Variants in TNS1 observed in about 807,000 individuals in gnomAD.
TNS1 encodes tensin 1.
TNS1 carries 62 observed loss-of-function variants against 168.6 expected under a neutral mutation model. The observed-to-expected ratio is 0.37, with a 90% CI of 0.30 to 0.45. TNS1 has a LOEUF of 0.45. Ranked by LOEUF, TNS1 falls within the 20% of genes least tolerant of loss-of-function variation. The pLI is 1.00. For synonymous variants in TNS1, 934 were observed against 933.2 expected, an observed-to-expected ratio of 1.00 and a Z score of -0.02; for missense variants, 2,240 against 2,339.4, an observed-to-expected ratio of 0.96 and a Z score of 0.88.
chr2:217,907,073 A>T (rs1356560873), intron 5 of TNS1, 137 bp downstream of exon 5: 2 of 624,268 alleles, frequency 3.2e-6, no homozygotes, highest in Non-Finnish European at 5.9e-6. Flanking sequence ...ACTTCCCTGC[A>T]AGTTCCCCAA....
At chr2:217,835,250 G>T in intron 20 of TNS1, 84 bp from the exon 21 acceptor site, 1 of 1,336,924 alleles carries the variant, frequency 7.5e-7, no homozygotes, top group Non-Finnish European at 1.0e-6. Context: ...TATGAGGACA[G>T]TGAGTTAACC....
exon 1 of TNS1, chr2:218,010,109 G>A (rs1395849671): frequency 7.5e-6 from 3 of 399,096 alleles, no homozygotes; most frequent in Non-Finnish European, 1.3e-5. Flanking sequence ...CCTGGCTGCG[G>A]AGGCAGAAGC....
At chr2:217,921,897 A>G (rs1387030629) in intron 3 of TNS1, among the ~76,000 whole-genome samples, 1 of 152,156 alleles carries the variant, frequency 6.6e-6, no homozygotes, top group Non-Finnish European at 1.5e-5. Context: ...CGGGGCATGG[A>G]TGGGTTAAAT....
intron 16 of TNS1, among the ~76,000 whole-genome samples, chr2:217,882,672 C>G (rs1950794760): frequency 6.6e-6 from 1 of 152,136 alleles, no homozygotes; most frequent in African/African-American, 2.4e-5. Flanking sequence ...TTTCTACTAG[C>G]AATTTACCTC....
At chr2:218,005,685 A>G (rs989417005), upstream of TNS1, among the ~76,000 whole-genome samples, 28 of 152,350 alleles carry the variant, frequency 1.8e-4, no homozygotes, top group African/African-American at 6.5e-4. Context: ...TACAGCAGGC[A>G]CCAGACATGG....
intron 4 of TNS1, among the ~76,000 whole-genome samples, chr2:217,907,712 T>C (rs1398766936): frequency 6.6e-6 from 1 of 152,202 alleles, no homozygotes; most frequent in Non-Finnish European, 1.5e-5. Context: ...CTTGGGGCTC[T>C]AAGTGAAATC....
upstream of TNS1, among the ~76,000 whole-genome samples, chr2:218,005,996 G>C (rs896775847): frequency 1.3e-5 from 2 of 152,208 alleles, no homozygotes; most frequent in African/African-American, 4.8e-5. Flanking sequence ...ACACACAGCA[G>C]ACATGGAGTA....
intron 27 of TNS1, 83 bp from the exon 28 acceptor site, chr2:217,812,528 C>T: frequency 8.8e-7 from 1 of 1,139,670 alleles, no homozygotes; most frequent in Non-Finnish European, 1.3e-6. Context: ...TACACCGATA[C>T]ACACAATCTT....
At chr2:217,812,808 A>G (rs916412420) in intron 27 of TNS1, among the ~76,000 whole-genome samples, 2 of 152,112 alleles carry the variant, frequency 1.3e-5, no homozygotes, top group Non-Finnish European at 2.9e-5. Context: ...TCTCAGGTAA[A>G]TGTAACTTTG....
chr2:217,887,041 GCTCTGACGCC>G (rs1049118820), intron 12 of TNS1, among the ~76,000 whole-genome samples: 12 of 152,208 alleles, frequency 7.9e-5, no homozygotes, highest in African/African-American at 2.9e-4. Context: ...CCACCAAACA[GCTCTGACGCC>G]CTCACACCCC....
chr2:217,995,063 T>TG lies in TNS1; in HGVS notation c.34-4008dup, dbSNP rs1380423142. 6.6e-6 allele frequency among the ~76,000 whole-genome samples: 1 copy of TG among 151,842 alleles called. No homozygotes were observed. Among genetic ancestry groups the TG allele is most frequent in the Non-Finnish European group, 1.5e-5 (1 of 67,942 alleles). The stretch of plus-strand genomic sequence containing the variant: ...TTTGGAATGAAGGGACTGAAAGTGA[T>TG]GGGGGTGGGACTTGCAGATGATTCA... On this transcript the variant is annotated intron_variant, in intron 1 of 32. Coordinates refer to ENST00000682258, the MANE Select transcript of TNS1 (RefSeq NM_001387777.1). The surrounding 1 kb of genome is among the most constrained non-coding windows in gnomAD (Gnocchi z 4.1).
At chr2:217,809,073 A>AGGAT (rs1407002022) in intron 30 of TNS1, among the ~76,000 whole-genome samples, 2 of 152,170 alleles carry the variant, frequency 1.3e-5, no homozygotes, top group African/African-American at 4.8e-5. Flanking sequence ...TTCTCATAGA[A>AGGAT]GGATGGATGA....
chr2:217,874,152 G>A (rs1950017086), intron 18 of TNS1, among the ~76,000 whole-genome samples: 1 of 152,170 alleles, frequency 6.6e-6, no homozygotes. Context: ...TATTACCTGA[G>A]AGTGGCTAGA....
intron 3 of TNS1, among the ~76,000 whole-genome samples, chr2:217,924,732 C>T (rs1221642521): frequency 3.3e-5 from 5 of 152,224 alleles, no homozygotes; most frequent in Non-Finnish European, 7.3e-5. Flanking sequence ...TATGGAGAAA[C>T]AGAGGCTCCA....
chr2:217,814,514 C>G (rs969563283), intron 25 of TNS1, among the ~76,000 whole-genome samples: 1 of 152,160 alleles, frequency 6.6e-6, no homozygotes. Context: ...CATGGGCTGC[C>G]GTTGCTGACC....
At chr2:217,808,723 T>C (rs753529548) in intron 30 of TNS1, 52 bp from the exon 31 acceptor site, 8 of 1,554,508 alleles carry the variant, frequency 5.1e-6, no homozygotes, top group Admixed American at 3.4e-5. Flanking sequence ...GGGGCTGCTT[T>C]TCCCCTCCTT....
At chr2:217,833,189 G>A (rs554818522) in intron 21 of TNS1, among the ~76,000 whole-genome samples, 3 of 152,296 alleles carry the variant, frequency 2.0e-5, no homozygotes, top group South Asian at 2.1e-4. Flanking sequence ...CAGCGGAGGC[G>A]CAGGTGGGCC....
chr2:217,885,595 A>T (rs1006077857), intron 15 of TNS1, 149 bp downstream of exon 15: 1 of 723,882 alleles, frequency 1.4e-6, no homozygotes, highest in Admixed American at 2.5e-5. Flanking sequence ...TGAGACTGGA[A>T]GGTCTTCCAA....
intron 3 of TNS1, among the ~76,000 whole-genome samples, chr2:217,949,260 G>C (rs1257706863): frequency 6.6e-6 from 1 of 152,208 alleles, no homozygotes; most frequent in African/African-American, 2.4e-5. Context: ...GGCAGACGTT[G>C]GTCCTTGGCA....
Sources: gnomAD v4.1 joint callset for allele counts (sites outside exome capture counted in the v4.1 genomes callset) on GRCh38, gnomAD v4.1.1 for gene constraint, Gnocchi (gnomAD v3.1) non-coding constraint, MANE v1.5 for transcripts, NCBI Gene and HGNC (gene_info 2026-07-23, HGNC 2026-07-21) for gene names.